Variants in UST observed in about 807,000 individuals in gnomAD.
UST encodes uronyl 2-sulfotransferase.
A neutral mutation model predicts 45.6 loss-of-function variants in UST; 21 were observed. The ratio of observed to expected loss-of-function variants is 0.46; its 90% CI spans 0.33 to 0.66. UST has a LOEUF of 0.66. Among genes scored for constraint, UST ranks in the 30% least tolerant of loss-of-function variants. The pLI, the probability that UST is intolerant of heterozygous loss-of-function variation, is 0.02. For synonymous variants in UST, 215 were observed against 200.6 expected, an observed-to-expected ratio of 1.07 and a Z score of -0.61; for missense variants, 463 against 512.4, an observed-to-expected ratio of 0.90 and a Z score of 0.93.
At chr6:148,953,839 C>A in intron 3 of UST, 33 bp from the exon 4 acceptor site, 1 of 1,315,880 alleles carries the variant, frequency 7.6e-7, no homozygotes, top group South Asian at 1.4e-5. Flanking sequence ...TAAATTAGAT[C>A]CTATATATGC....
intron 1 of UST, among the ~76,000 whole-genome samples, chr6:148,884,598 G>A (rs2114840827): frequency 6.6e-6 from 1 of 152,202 alleles, no homozygotes; most frequent in African/African-American, 2.4e-5. Flanking sequence ...TGGAGGGGGA[G>A]GTGGGGCCTG....
intron 1 of UST, among the ~76,000 whole-genome samples, chr6:148,854,024 A>C (rs1265094294): frequency 6.6e-6 from 1 of 152,260 alleles, no homozygotes; most frequent in African/African-American, 2.4e-5. Flanking sequence ...CAGATATCAC[A>C]CATGATGAAG....
At chr6:148,861,117 G>A (rs113200035) in intron 1 of UST, among the ~76,000 whole-genome samples, 70 of 152,066 alleles carry the variant, frequency 4.6e-4, no homozygotes, top group South Asian at 1.2e-3. Context: ...ACGTGAATTC[G>A]TCTGGTCCTG....
At chr6:148,947,464 C>G (rs992793722) in intron 3 of UST, among the ~76,000 whole-genome samples, 7 of 152,184 alleles carry the variant, frequency 4.6e-5, no homozygotes, top group Non-Finnish European at 8.8e-5. Flanking sequence ...GGGAAAAACT[C>G]CCGAAGAGGT....
chr6:148,977,762 A>G (rs1582939216), intron 5 of UST, among the ~76,000 whole-genome samples: 2 of 151,280 alleles, frequency 1.3e-5, no homozygotes. Context: ...AAAAAAAAAA[A>G]AAAAAAAAAG....
intron 1 of UST, among the ~76,000 whole-genome samples, chr6:148,844,172 G>A (rs1056963234): frequency 5.9e-5 from 9 of 152,150 alleles, no homozygotes; most frequent in Non-Finnish European, 1.2e-4. Context: ...TTTTTTAAAA[G>A]CAAGAATGAA....
intron 1 of UST, among the ~76,000 whole-genome samples, chr6:148,878,241 CGG>C (rs1778739768): frequency 1.5e-5 from 1 of 67,596 alleles, no homozygotes; most frequent in African/African-American, 6.9e-5. Context: ...TGTATGAGTG[CGG>C]AGATCGTGTA....
chr6:148,844,703 G>C (rs1777951532), intron 1 of UST, among the ~76,000 whole-genome samples: 2 of 152,050 alleles, frequency 1.3e-5, no homozygotes, highest in Admixed American at 1.3e-4. Context: ...GGGTACATGT[G>C]TAGGATTGTT....
intron 5 of UST, among the ~76,000 whole-genome samples, chr6:148,995,798 G>A (rs556725927): frequency 2.6e-5 from 4 of 152,370 alleles, no homozygotes; most frequent in African/African-American, 9.6e-5. Flanking sequence ...GGCAGAGACT[G>A]GCTGGAGCTG....
At chr6:148,941,200 A>G (rs2114922770) in intron 2 of UST, 79 bp from the exon 3 acceptor site, 1 of 1,530,162 alleles carries the variant, frequency 6.5e-7, no homozygotes, top group East Asian at 2.3e-5. Context: ...TGAAACAGTT[A>G]TTGTTCTGAA....
intron 6 of UST, among the ~76,000 whole-genome samples, chr6:149,020,726 TCA>T (rs1775964692): frequency 6.6e-6 from 1 of 152,134 alleles, no homozygotes; most frequent in Non-Finnish European, 1.5e-5. Flanking sequence ...CGCCTTAGTG[TCA>T]GTTCAGAGAG....
At position 148,813,365 on chromosome 6, in the gene UST, A is replaced by G. The variant is rs1394272769; in HGVS notation, c.247+65688A>G. ...AACCTAATATAAGCCATTGCCACCA[A>G]TAGTTCCTATAACAGAATAATTTTT... On this transcript the variant is annotated intron_variant, in intron 1 of 7. Transcript: ENST00000367463. Among the ~76,000 whole-genome samples the G allele has an allele frequency of 6.0e-5, 9 of 151,048 alleles. No individual in the cohort carries two copies. In the Admixed American group the frequency reaches 6.0e-4, roughly 10 times the overall value.
At chr6:149,017,882 G>C (rs1222280880) in intron 5 of UST, among the ~76,000 whole-genome samples, 2 of 151,634 alleles carry the variant, frequency 1.3e-5, no homozygotes, top group Non-Finnish European at 2.9e-5. Context: ...TTCAGGTCTA[G>C]TGTCTTGCAT....
chr6:148,998,452 G>A (rs191249641), intron 5 of UST, among the ~76,000 whole-genome samples: 181 of 152,240 alleles, frequency 1.2e-3, no homozygotes, highest in Non-Finnish European at 1.7e-3. Flanking sequence ...TCTGGCCTAC[G>A]TTTTATAAAC....
intron 1 of UST, among the ~76,000 whole-genome samples, chr6:148,878,023 G>A (rs544509724): frequency 4.8e-5 from 6 of 125,954 alleles, no homozygotes; most frequent in African/African-American, 1.5e-4. Context: ...GGTCATGTAC[G>A]AGTGCGGAGA....
chr6:148,916,546 C>T (rs190865785), intron 2 of UST, among the ~76,000 whole-genome samples: 346 of 152,260 alleles, frequency 2.3e-3, no homozygotes, highest in African/African-American at 7.8e-3. Context: ...CACTCACTGG[C>T]GGATCTTAGC....
chr6:148,913,087 A>G (rs9390627), intron 2 of UST, among the ~76,000 whole-genome samples: 16,975 of 152,254 alleles, frequency 0.11, 1,405 homozygotes, highest in East Asian at 0.41. Context: ...AACTTTGTGC[A>G]GAAATTTCTT....
At chr6:148,856,485 C>T (rs904250348) in intron 1 of UST, among the ~76,000 whole-genome samples, 1 of 152,148 alleles carries the variant, frequency 6.6e-6, no homozygotes, top group Non-Finnish European at 1.5e-5. Context: ...CGGAGACAGC[C>T]ACAGGTGATA....
intron 1 of UST, among the ~76,000 whole-genome samples, chr6:148,803,532 G>T (rs940554911): frequency 6.6e-6 from 1 of 152,038 alleles, no homozygotes; most frequent in East Asian, 1.9e-4. Context: ...ATTATCTCCC[G>T]TAGGTTTCTG....
Sources: gnomAD v4.1 joint callset for allele counts (sites outside exome capture counted in the v4.1 genomes callset) on GRCh38, gnomAD v4.1.1 for gene constraint, MANE v1.5 for transcripts, NCBI Gene and HGNC (gene_info 2026-07-23, HGNC 2026-07-21) for gene names.